The following SYNDIG1 variants were observed in gnomAD, a reference collection of about 807,000 sequenced individuals.
The protein encoded by SYNDIG1 is synapse differentiation inducing 1, also known as synapse differentiation-inducing gene protein 1.
SYNDIG1 carries 9 observed loss-of-function variants against 19.4 expected under a neutral mutation model. That is an observed-to-expected ratio of 0.46 (90% confidence interval 0.28 to 0.81). SYNDIG1 has a LOEUF of 0.81. SYNDIG1 is among the 30% of genes least tolerant of loss of function. The pLI is 0.12. For synonymous variants in SYNDIG1, 141 were observed against 145.9 expected, an observed-to-expected ratio of 0.97 and a Z score of 0.24; for missense variants, 311 against 343.3, an observed-to-expected ratio of 0.91 and a Z score of 0.74.
chr20:24,512,884 G>A (rs924980936), intron 1 of SYNDIG1, among the ~76,000 whole-genome samples: 2 of 152,148 alleles, frequency 1.3e-5, no homozygotes, highest in African/African-American at 4.8e-5. Flanking sequence ...CATAGTAGGG[G>A]CAGACTGACA....
chr20:24,574,457 C>T (rs1161089781), intron 2 of SYNDIG1, among the ~76,000 whole-genome samples: 1 of 151,810 alleles, frequency 6.6e-6, no homozygotes, highest in Non-Finnish European at 1.5e-5. Context: ...CCACTGCATT[C>T]CAGCATGAGT....
chr20:24,531,408 G>A (rs762393625), intron 1 of SYNDIG1, among the ~76,000 whole-genome samples: 6 of 152,124 alleles, frequency 3.9e-5, no homozygotes, highest in Non-Finnish European at 7.4e-5. Flanking sequence ...TAGGGTGGGC[G>A]AGACATAGAC....
rs8116915 is a variant in SYNDIG1 at position 24,567,815 on chromosome 20, A to G, written c.481-17041A>G. Among the ~76,000 whole-genome samples, 1,033 of 152,292 alleles carry G rather than the reference A, an allele frequency of 6.8e-3. 10 individuals carry two copies. Among genetic ancestry groups the G allele is most frequent in the African/African-American group, 0.023 (976 of 41,560 alleles). Reference sequence around the variant, plus strand: ...GTGATGTGCGTATGATGGGGGCACCATCCTCTCCACTGTGTCTGCAGTTGC... The same window carrying G: ...GTGATGTGCGTATGATGGGGGCACCGTCCTCTCCACTGTGTCTGCAGTTGC... On this transcript the variant is annotated intron_variant, in intron 2 of 3. Coordinates refer to ENST00000376862, the MANE Select transcript of SYNDIG1 (RefSeq NM_024893.3).
rs532868116 is a variant in SYNDIG1 at position 24,652,210 on chromosome 20, G to C, written c.619-13136G>C. 1.1e-4 allele frequency among the ~76,000 whole-genome samples: 17 copies of C among 152,330 alleles called. No homozygotes were observed. The South Asian group carries it at 3.5e-3, about 32-fold the overall frequency. On this transcript the variant is annotated intron_variant, in intron 3 of 3. Coordinates refer to ENST00000376862, the MANE Select transcript of SYNDIG1 (RefSeq NM_024893.3). ...GGAAATGGGATTGACGGGAAAGCCAGACAGAGGCGTTGAAAGGGAAGCATT... is the reference window on the plus strand; with the variant it reads ...GGAAATGGGATTGACGGGAAAGCCACACAGAGGCGTTGAAAGGGAAGCATT...
At chr20:24,567,409 T>C (rs2058066035) in intron 2 of SYNDIG1, among the ~76,000 whole-genome samples, 1 of 152,108 alleles carries the variant, frequency 6.6e-6, no homozygotes, top group Non-Finnish European at 1.5e-5. Flanking sequence ...AAGACAACTC[T>C]CACACCTGCA....
rs1032059609 is a variant in SYNDIG1, at chr20:24,473,612, G to A, written c.-79+3859G>A. ...CATATTGGATTGCACGGGGAGTGGG[G>A]GAGGGACGCACTGGGGAGACAGGCG... On this transcript the variant is annotated intron_variant, in intron 1 of 3. Coordinates refer to ENST00000376862, the MANE Select transcript of SYNDIG1 (RefSeq NM_024893.3). Among the ~76,000 whole-genome samples, 16 of 152,240 alleles carry A rather than the reference G, an allele frequency of 1.1e-4. 1 individual carries two copies. Among genetic ancestry groups the A allele is most frequent in the Admixed American group, 9.2e-4 (14 of 15,300 alleles).
chr20:24,581,387 C>T (rs77969831), intron 2 of SYNDIG1, among the ~76,000 whole-genome samples: 5,284 of 152,130 alleles, frequency 0.035, 273 homozygotes, highest in African/African-American at 0.12. Context: ...AAGGATACGT[C>T]GGGATCCATG....
intron 3 of SYNDIG1, among the ~76,000 whole-genome samples, chr20:24,657,058 G>A (rs2059532742): frequency 6.6e-6 from 1 of 152,186 alleles, no homozygotes; most frequent in African/African-American, 2.4e-5. Context: ...TGAGTGAAAA[G>A]TCCCTGAGGC....
intron 3 of SYNDIG1, among the ~76,000 whole-genome samples, chr20:24,625,407 A>C (rs1291479869): frequency 5.1e-5 from 2 of 38,946 alleles, no homozygotes; most frequent in Admixed American, 2.7e-4. Flanking sequence ...TTTTTTTTTG[A>C]TCATTCTTGG....
chr20:24,659,675 A>G (rs766104619), intron 3 of SYNDIG1, among the ~76,000 whole-genome samples: 16 of 152,096 alleles, frequency 1.1e-4, no homozygotes, highest in Non-Finnish European at 2.2e-4. Flanking sequence ...AATCAGGGAG[A>G]GGTGGGGAGA....
chr20:24,665,229 A>G (rs2059636883), intron 3 of SYNDIG1, 117 bp from the exon 4 acceptor site: 1 of 1,280,724 alleles, frequency 7.8e-7, no homozygotes, highest in Non-Finnish European at 1.1e-6. Flanking sequence ...TTTCCCCCTC[A>G]GCCTTCTCTG....
chr20:24,512,781 G>T lies in SYNDIG1; in HGVS notation c.-78-30239G>T, dbSNP rs1465214472. On this transcript the variant is annotated intron_variant, in intron 1 of 3. Coordinates refer to ENST00000376862, the MANE Select transcript of SYNDIG1 (RefSeq NM_024893.3). ...TCTGACAGCTTTGAAGAAAGTAGTG[G>T]TTCTCCCAGCACGGAGTTTGAGATC... Among the ~76,000 whole-genome samples, 4 of 152,316 alleles carry T rather than the reference G, an allele frequency of 2.6e-5. No individual in the cohort carries two copies. In the East Asian group the frequency reaches 7.7e-4, roughly 29 times the overall value.
chr20:24,659,037 C>T (rs866438247), intron 3 of SYNDIG1, among the ~76,000 whole-genome samples: 10 of 152,180 alleles, frequency 6.6e-5, no homozygotes, highest in South Asian at 6.2e-4. Flanking sequence ...CTCTCACCCC[C>T]CTCCTTTCCT....
At chr20:24,563,266 G>A (rs1351104584) in intron 2 of SYNDIG1, among the ~76,000 whole-genome samples, 4 of 152,196 alleles carry the variant, frequency 2.6e-5, no homozygotes, top group Admixed American at 6.5e-5. Context: ...GATTAGCCTT[G>A]AGGCTGAAAC....
intron 1 of SYNDIG1, among the ~76,000 whole-genome samples, chr20:24,490,991 AGTC>A (rs2056131292): frequency 6.6e-6 from 1 of 152,188 alleles, no homozygotes; most frequent in African/African-American, 2.4e-5. Context: ...GGTGCCATGG[AGTC>A]GTGGCCCCTG....
chr20:24,566,436 G>T (rs1219734979), intron 2 of SYNDIG1, among the ~76,000 whole-genome samples: 1 of 152,204 alleles, frequency 6.6e-6, no homozygotes, highest in African/African-American at 2.4e-5. Context: ...AGAAATAAAT[G>T]AAACTATCAG....
intron 1 of SYNDIG1, among the ~76,000 whole-genome samples, chr20:24,484,314 C>G (rs2055895781): frequency 6.6e-6 from 1 of 152,178 alleles, no homozygotes; most frequent in South Asian, 2.1e-4. Context: ...AGCCAGGTAA[C>G]TGTAACCTCA....
rs1162484997 is a variant in SYNDIG1 at position 24,666,378 on chromosome 20, G to GA, written c.*877dup. 6.6e-6 allele frequency: 1 copy of GA among 152,652 alleles called. No homozygotes were observed. The highest frequency in any genetic ancestry group is 2.4e-5 in the African/African-American group (1 of 41,448). 9.5% of individuals were successfully genotyped at this position (152,652 alleles called of 1,614,324 possible). A position where few individuals can be genotyped will look rare whatever the true frequency, so the allele number is the denominator to read the frequency against. On this transcript the variant is annotated 3_prime_UTR_variant, in exon 4 of 4. Transcript: ENST00000376862. ...GCGGATGCTCACCCCGTCATAAGCAGAAACTAGTGATCCTGGAAATGAGAT... is the reference window on the plus strand; with the variant it reads ...GCGGATGCTCACCCCGTCATAAGCAGAAAACTAGTGATCCTGGAAATGAGAT...
At chr20:24,503,765 T>A (rs1244250103) in intron 1 of SYNDIG1, among the ~76,000 whole-genome samples, 2 of 152,162 alleles carry the variant, frequency 1.3e-5, no homozygotes, top group Non-Finnish European at 2.9e-5. Context: ...ATTGAGCTCA[T>A]GATCTGCCTC....
Sources: gnomAD v4.1 joint callset for allele counts (sites outside exome capture counted in the v4.1 genomes callset) on GRCh38, gnomAD v4.1.1 for gene constraint, MANE v1.5 for transcripts, NCBI Gene and HGNC (gene_info 2026-07-23, HGNC 2026-07-21) for gene names.